Variants in BFSP1 observed in about 807,000 individuals in gnomAD.
BFSP1 encodes the protein filensin.
Under a neutral mutation model 43.9 loss-of-function variants are expected in BFSP1, and 38 were observed. The ratio of observed to expected loss-of-function variants is 0.87; its 90% CI spans 0.67 to 1.14. BFSP1 has a LOEUF of 1.14. Ranked by LOEUF, BFSP1 falls within the 50% of genes most tolerant of loss-of-function variation. The pLI is 0.00. For synonymous variants in BFSP1, 352 were observed against 354.8 expected (o/e 0.99, Z 0.09); for missense variants, 850 against 875.1 (o/e 0.97, Z 0.36).
rs767555837 is a variant in BFSP1 at position 17,497,068 on chromosome 20, GC to G, written c.957-46del. 14 of 1,405,846 alleles carry G rather than the reference GC, an allele frequency of 1.0e-5. No homozygotes were observed. The South Asian group carries it at 1.9e-4, about 19-fold the overall frequency. The allele number at this position is 1,405,846 out of a possible 1,614,324, so 87.1% of individuals were successfully genotyped here. On this transcript the variant is annotated intron_variant, in intron 6 of 7. Transcript: ENST00000377873. ...AGAACAAGCCAAACAGAGGTCAGGG[GC>G]AAGAGCGACTCTCGTTAATGTTGAG...
chr20:17,564,682 G>A (rs969081212), intron 1 of BFSP1, among the ~76,000 whole-genome samples: 3 of 151,950 alleles, frequency 2.0e-5, no homozygotes, highest in African/African-American at 7.3e-5. Context: ...TCCGCCTCCC[G>A]GGTTCAAGCG....
At position 17,505,188 on chromosome 20, in the gene BFSP1, G is replaced by A. The variant is rs545235777; in HGVS notation, c.735+3701C>T. Among the ~76,000 whole-genome samples the A allele has an allele frequency of 2.0e-5, 3 of 152,286 alleles. No individual in the cohort carries two copies. The East Asian group carries it at 5.8e-4, about 29-fold the overall frequency. ...CTCCGGGGCTCTTACGGGTATATGT[G>A]CACTTATTTGAAGGAGAGGCTTCCA... On this transcript the variant is annotated intron_variant, in intron 5 of 7. Coordinates refer to ENST00000377873, the MANE Select transcript of BFSP1 (RefSeq NM_001195.5).
At chr20:17,515,734 TC>T (rs919329139) in intron 2 of BFSP1, among the ~76,000 whole-genome samples, 1 of 152,168 alleles carries the variant, frequency 6.6e-6, no homozygotes, top group Non-Finnish European at 1.5e-5. Flanking sequence ...TCATCAGGAT[TC>T]CCCAGTCTCC....
intron 1 of BFSP1, among the ~76,000 whole-genome samples, chr20:17,546,291 T>G (rs2123570017): frequency 6.6e-6 from 1 of 152,196 alleles, no homozygotes; most frequent in East Asian, 1.9e-4. Context: ...TATAAAACCA[T>G]CAAATCTGAT....
rs1472085918 is a variant in BFSP1 at position 17,538,464 on chromosome 20, T to C, written c.3-13556A>G. 2.6e-5 allele frequency among the ~76,000 whole-genome samples: 4 copies of C among 152,208 alleles called. No homozygotes were observed. In the East Asian group the frequency reaches 7.7e-4, roughly 29 times the overall value. ...CAAAATCCCAACACCTCCAGGAAAA[T>C]TGTGCTGAGAACAGGTGTTTCTTAA... is the stretch of plus-strand genomic sequence containing the variant. On this transcript the variant is annotated intron_variant, in intron 1 of 7. Coordinates refer to the BFSP1 transcript ENST00000377868.
upstream of BFSP1, among the ~76,000 whole-genome samples, chr20:17,559,236 AAACAAC>A (rs371437198): frequency 6.6e-6 from 1 of 151,990 alleles, no homozygotes; most frequent in Non-Finnish European, 1.5e-5. Context: ...TGCCATTAAA[AAACAAC>A]AACAACAACA....
intron 1 of BFSP1, among the ~76,000 whole-genome samples, chr20:17,546,734 T>A (rs1600678763): frequency 6.6e-6 from 1 of 151,674 alleles, no homozygotes; most frequent in Admixed American, 6.6e-5. Context: ...AGAAAGCAGC[T>A]CTTTGTTTCA....
intron 6 of BFSP1, among the ~76,000 whole-genome samples, chr20:17,497,545 T>G (rs1408749797): frequency 1.5e-5 from 1 of 68,178 alleles, no homozygotes; most frequent in Admixed American, 1.8e-4. Context: ...TATATATGTG[T>G]GTATATATGT....
chr20:17,551,547 C>T (rs1385332130), intron 1 of BFSP1, among the ~76,000 whole-genome samples: 1 of 152,222 alleles, frequency 6.6e-6, no homozygotes, highest in African/African-American at 2.4e-5. Context: ...CAGATGGCTG[C>T]TACCCTTAGG....
intron 1 of BFSP1, among the ~76,000 whole-genome samples, chr20:17,552,700 G>A (rs1295271326): frequency 6.6e-6 from 1 of 152,158 alleles, no homozygotes; most frequent in African/African-American, 2.4e-5. Flanking sequence ...CCAACAGAAT[G>A]TACTGATGTG....
intron 1 of BFSP1, among the ~76,000 whole-genome samples, chr20:17,529,751 C>A (rs535374702): frequency 2.0e-5 from 3 of 152,294 alleles, no homozygotes; most frequent in East Asian, 3.9e-4. Context: ...TGCCATTGCA[C>A]ACCTGCTGGA....
At chr20:17,509,020 G>C in intron 4 of BFSP1, 24 bp from the exon 5 acceptor site, 1 of 1,509,638 alleles carries the variant, frequency 6.6e-7, no homozygotes, top group Non-Finnish European at 8.9e-7. Context: ...GCCAGAGTCA[G>C]ACTCATGGGA....
chr20:17,541,231 G>A, intron 1 of BFSP1: 2 of 976,226 alleles, frequency 2.0e-6, no homozygotes, highest in Non-Finnish European at 2.4e-6. Context: ...GTGAATATTA[G>A]ATAGAAACTT....
intron 3 of BFSP1, among the ~76,000 whole-genome samples, chr20:17,512,415 AAG>A (rs1176480776): frequency 1.3e-5 from 2 of 152,154 alleles, no homozygotes; most frequent in East Asian, 3.9e-4. Flanking sequence ...CAAAAAAAAA[AAG>A]AGAAAAAAAC....
chr20:17,550,461 CCT>C (rs2034877461), intron 1 of BFSP1, among the ~76,000 whole-genome samples: 1 of 109,994 alleles, frequency 9.1e-6, no homozygotes, highest in Admixed American at 1.1e-4. Context: ...TGACTATAAT[CCT>C]TTTTTTTTTT....
At chr20:17,501,921 G>C (rs1387309015) in intron 5 of BFSP1, among the ~76,000 whole-genome samples, 1 of 152,236 alleles carries the variant, frequency 6.6e-6, no homozygotes, top group Non-Finnish European at 1.5e-5. Context: ...ACACATGAAC[G>C]GGTCTGAGGC....
At chr20:17,510,755 A>G (rs905587804) in intron 4 of BFSP1, among the ~76,000 whole-genome samples, 23 of 152,164 alleles carry the variant, frequency 1.5e-4, no homozygotes, top group African/African-American at 4.8e-4. Flanking sequence ...AAGCCCATTC[A>G]TTGACTCGGA....
intron 2 of BFSP1, among the ~76,000 whole-genome samples, chr20:17,520,845 T>C (rs1360435693): frequency 6.6e-6 from 1 of 152,242 alleles, no homozygotes; most frequent in Non-Finnish European, 1.5e-5. Context: ...CTGCACCATT[T>C]TATCCCCTAA....
rs763475374 is a variant in BFSP1, at chr20:17,494,512, A to T, written c.1560T>A (p.Pro520=). ...GCAGACCCACCTGCCCATTCTCTAA[A>T]GGGGGCTTGGGTGACTCAGGAGAGG... ...VEPSPESPKP[P]LENGQVGLQE... is the part of the protein sequence containing the mutation. The change falls in exon 8 of 8, where the codon CCT becomes CCA. Residue 520 remains proline, a synonymous_variant. Coordinates refer to ENST00000377873, the MANE Select transcript of BFSP1 (RefSeq NM_001195.5). 1.1e-5 allele frequency: 17 copies of T among 1,614,114 alleles called. No individual in the cohort carries two copies. Among genetic ancestry groups the T allele is most frequent in the Non-Finnish European group, 1.3e-5 (15 of 1,180,022 alleles).
Sources: allele counts gnomAD v4.1 joint callset (sites outside exome capture counted in the v4.1 genomes callset), GRCh38; gene constraint gnomAD v4.1.1; transcripts MANE v1.5; gene names NCBI Gene and HGNC (gene_info 2026-07-23, HGNC 2026-07-21).